The following DSCAML1 variants were observed in gnomAD, a reference collection of about 807,000 sequenced individuals.
DSCAML1 encodes the protein cell adhesion molecule DSCAML1.
A neutral mutation model predicts 200.5 loss-of-function variants in DSCAML1; 38 were observed. The observed-to-expected ratio is 0.19, with a 90% confidence interval of 0.15 to 0.25. The LOEUF (loss-of-function observed/expected upper bound fraction) is 0.25, where lower values mean the gene tolerates loss of function less well. DSCAML1 is among the 10% of genes least tolerant of loss of function. DSCAML1 has a pLI of 1.00. For synonymous variants in DSCAML1, 1,215 were observed against 1,165.0 expected, an observed-to-expected ratio of 1.04 and a Z score of -0.87; for missense variants, 2,223 against 2,858.8, an observed-to-expected ratio of 0.78 and a Z score of 5.07.
intron 3 of DSCAML1, among the ~76,000 whole-genome samples, chr11:117,595,687 G>T (rs1591305493): frequency 6.6e-6 from 1 of 152,282 alleles, no homozygotes. Flanking sequence ...TTACATCACA[G>T]TCAGGAAGAG....
At chr11:117,675,744 T>G (rs2053200011) in intron 3 of DSCAML1, among the ~76,000 whole-genome samples, 1 of 152,008 alleles carries the variant, frequency 6.6e-6, no homozygotes, top group South Asian at 2.1e-4. Flanking sequence ...GGGCATCGTT[T>G]CTTGTTGGCG....
intron 3 of DSCAML1, among the ~76,000 whole-genome samples, chr11:117,563,319 C>T (rs1213047150): frequency 3.9e-5 from 6 of 152,194 alleles, no homozygotes; most frequent in Admixed American, 2.6e-4. Context: ...ATGGATGACA[C>T]GGCAGCACGC....
At chr11:117,652,504 C>A (rs942872208) in intron 3 of DSCAML1, among the ~76,000 whole-genome samples, 1 of 152,206 alleles carries the variant, frequency 6.6e-6, no homozygotes, top group African/African-American at 2.4e-5. Flanking sequence ...AGACCTGCTC[C>A]ACCTCCAATA....
At chr11:117,772,414 G>A (rs899591339) in intron 3 of DSCAML1, among the ~76,000 whole-genome samples, 2 of 152,152 alleles carry the variant, frequency 1.3e-5, no homozygotes, top group African/African-American at 2.4e-5. Flanking sequence ...TGTCCTCAGC[G>A]CACTTTCAGC....
In DSCAML1 at chr11:117,754,525, G is replaced by A. The variant is rs542170064; in HGVS notation, c.511+22266C>T. ...GGGAGCGGGGGGTGTGAGAATGGAC[G>A]CACTCTCATAGAGAGAAGGTGAGGG... On this transcript the variant is annotated intron_variant, in intron 3 of 32. Transcript: ENST00000651296. Among the ~76,000 whole-genome samples, 9 of 152,118 alleles carry A rather than the reference G, an allele frequency of 5.9e-5. No individual in the cohort carries two copies. In the East Asian group the frequency reaches 1.4e-3, roughly 23 times the overall value.
chr11:117,575,943 C>G (rs2137447761), intron 3 of DSCAML1, among the ~76,000 whole-genome samples: 1 of 152,310 alleles, frequency 6.6e-6, no homozygotes, highest in East Asian at 1.9e-4. Flanking sequence ...GAATGACACC[C>G]TTGTCTGCGC....
rs930250284 is a variant in DSCAML1, at chr11:117,463,698, G to A, written c.3265+1244C>T. Among the ~76,000 whole-genome samples, 5 of 152,298 alleles carry A rather than the reference G, an allele frequency of 3.3e-5. No homozygotes were observed. The highest frequency in any genetic ancestry group is 3.4e-3 in the Middle Eastern group (1 of 294). ...GCCATGGGCTGAGGGCTTGGTTGTG[G>A]TGCGGCTCTCCTCCCTCCCCCTGGA... On this transcript the variant is annotated intron_variant, in intron 17 of 32. Coordinates refer to ENST00000651296, the MANE Select transcript of DSCAML1 (RefSeq NM_020693.4). This position sits in a 1 kb window ranked among gnomAD's most constrained non-coding sequence, Gnocchi z 4.0.
rs2049345555 is a variant in DSCAML1, at chr11:117,498,954, GTC to G, written c.2359+4889_2359+4890del. Among the ~76,000 whole-genome samples, 4 of 152,322 alleles carry G rather than the reference GTC, an allele frequency of 2.6e-5. No individual in the cohort carries two copies. Among genetic ancestry groups the G allele is most frequent in the Admixed American group, 2.0e-4 (3 of 15,304 alleles). On this transcript the variant is annotated intron_variant, in intron 11 of 32. Coordinates refer to ENST00000651296, the MANE Select transcript of DSCAML1 (RefSeq NM_020693.4). This position sits in a 1 kb window ranked among gnomAD's most constrained non-coding sequence, Gnocchi z 4.0. ...TGGTGCCTTCGCAGAGTGGAAGAGA[GTC>G]TGGGAGGTCCAACGAGACCTGTCTA...
chr11:117,436,837 C>A (rs772278349), intron 26 of DSCAML1, among the ~76,000 whole-genome samples: 8 of 152,148 alleles, frequency 5.3e-5, no homozygotes, highest in Non-Finnish European at 1.0e-4. Context: ...AAACAATGCA[C>A]AGTGATTGAG....
intron 3 of DSCAML1, among the ~76,000 whole-genome samples, chr11:117,677,642 G>C (rs1268319089): frequency 6.6e-6 from 1 of 152,176 alleles, no homozygotes; most frequent in Non-Finnish European, 1.5e-5. Context: ...GCTTACCAAG[G>C]GGCAAGTAGA....
At chr11:117,460,004 C>A (rs1024101292) in intron 18 of DSCAML1, among the ~76,000 whole-genome samples, 5 of 152,200 alleles carry the variant, frequency 3.3e-5, no homozygotes, top group Non-Finnish European at 2.9e-5. Context: ...ACCAGGCTGG[C>A]CTGTCCAGGA....
In DSCAML1 at chr11:117,472,103, T is replaced by C. The variant is rs2048698420; in HGVS notation, c.2786-67A>G. ...TCCAGGACCCCTTCCCAGCCTGAAG[T>C]ACCAGTACAACCCAATATTAAGTTG... On this transcript the variant is annotated intron_variant, in intron 14 of 32. Transcript: ENST00000651296. 3.8e-6 allele frequency: 6 copies of C among 1,579,718 alleles called. No homozygotes were observed. The Admixed American group carries it at 1.0e-4, about 27-fold the overall frequency.
chr11:117,585,806 G>A (rs2051130140), intron 3 of DSCAML1, among the ~76,000 whole-genome samples: 1 of 152,192 alleles, frequency 6.6e-6, no homozygotes, highest in South Asian at 2.1e-4. Context: ...CACTCCTGGA[G>A]GCGCCGCTGA....
intron 3 of DSCAML1, among the ~76,000 whole-genome samples, chr11:117,690,772 C>T (rs1400132024): frequency 6.6e-6 from 1 of 152,166 alleles, no homozygotes; most frequent in Non-Finnish European, 1.5e-5. Flanking sequence ...AAAAGGGAAC[C>T]TTTCAGTAGT....
At chr11:117,675,371 C>T (rs2053190096) in intron 3 of DSCAML1, among the ~76,000 whole-genome samples, 1 of 152,028 alleles carries the variant, frequency 6.6e-6, no homozygotes, top group East Asian at 1.9e-4. Flanking sequence ...GATCATGGCT[C>T]ACTGCAGCCT....
At chr11:117,716,950 C>A (rs2053961349) in intron 3 of DSCAML1, among the ~76,000 whole-genome samples, 1 of 152,074 alleles carries the variant, frequency 6.6e-6, no homozygotes, top group Non-Finnish European at 1.5e-5. Context: ...AGTCTGGCGA[C>A]CCTTAGGCTA....
intron 3 of DSCAML1, among the ~76,000 whole-genome samples, chr11:117,772,407 C>T (rs2055055930): frequency 6.6e-6 from 1 of 152,182 alleles, no homozygotes; most frequent in African/African-American, 2.4e-5. Context: ...TAAACAGTGT[C>T]CTCAGCGCAC....
At chr11:117,507,443 T>A (rs1367898034) in intron 8 of DSCAML1, among the ~76,000 whole-genome samples, 1 of 152,170 alleles carries the variant, frequency 6.6e-6, no homozygotes, top group African/African-American at 2.4e-5. Context: ...AAAAGGGAGC[T>A]GCCTGCAGGG....
chr11:117,625,395 A>T (rs540465055), intron 3 of DSCAML1, among the ~76,000 whole-genome samples: 1 of 152,304 alleles, frequency 6.6e-6, no homozygotes, highest in South Asian at 2.1e-4. Context: ...ACTCACATTC[A>T]TGCTAAGCTA....
Sources: allele counts gnomAD v4.1 joint callset (sites outside exome capture counted in the v4.1 genomes callset), GRCh38; gene constraint gnomAD v4.1.1; non-coding constraint Gnocchi (gnomAD v3.1); transcripts MANE v1.5; gene names NCBI Gene and HGNC (gene_info 2026-07-23, HGNC 2026-07-21).